PITPNM3: variants seen among roughly 807,000 people sequenced by gnomAD.
PITPNM3 encodes PITPNM family member 3, also known as membrane-associated phosphatidylinositol transfer protein 3.
PITPNM3 carries 26 observed loss-of-function variants against 102.0 expected under a neutral mutation model. The ratio of observed to expected loss-of-function variants is 0.25; its 90% CI spans 0.19 to 0.35. The LOEUF (loss-of-function observed/expected upper bound fraction) is 0.35, where lower values mean the gene tolerates loss of function less well. Ranked by LOEUF, PITPNM3 falls within the 10% of genes least tolerant of loss-of-function variation. The pLI, the probability that PITPNM3 is intolerant of heterozygous loss-of-function variation, is 1.00. For synonymous variants in PITPNM3, 578 were observed against 558.6 expected (o/e 1.03, Z -0.49); for missense variants, 1,083 against 1,346.1 (o/e 0.80, Z 3.06).
intron 2 of PITPNM3, among the ~76,000 whole-genome samples, chr17:6,526,573 A>G (rs1325858701): frequency 1.3e-5 from 2 of 152,156 alleles, no homozygotes; most frequent in Non-Finnish European, 2.9e-5. Context: ...GTTCTGATTC[A>G]CTCAAGAGCT....
Position 6,538,038 on chromosome 17 carries a change from C to T in PITPNM3, c.67G>A (p.Val23Ile). 1.2e-6 allele frequency: 2 copies of T among 1,613,452 alleles called. No homozygotes were observed. The highest frequency in any genetic ancestry group is 2.2e-5 in the South Asian group (2 of 91,060). The change falls in exon 2 of 20, where the codon GTC becomes ATC. Residue 23 changes from valine (V) to isoleucine (I), a missense_variant. Val to Ile is a conservative substitution (Grantham distance 29). Around this residue, in one of 5 missense-constraint regions of PITPNM3, gnomAD observed 290 missense variants for 337.8 expected, o/e 0.86. Transcript: ENST00000262483. ...GGGAPWHLRN[V>I]LSDSVESSDD... ...GAGCTCTCCACAGAGTCACTGAGGA[C>T]ATTTCGAAGGTGCCAGGGGGCACCG...
rs1597381335 is a variant in PITPNM3 at position 6,491,706 on chromosome 17, G to T, written c.275-7414C>A. On this transcript the variant is annotated intron_variant, in intron 4 of 19. Transcript: ENST00000262483. The stretch of plus-strand genomic sequence containing the variant: ...CCTAGCATTGCAGAAAAGGAAAAAT[G>T]ACAATCTAAATAATGGTGGGGGAGG... 2.0e-5 allele frequency among the ~76,000 whole-genome samples: 3 copies of T among 151,940 alleles called. No homozygotes were observed. The South Asian group carries it at 6.2e-4, about 32-fold the overall frequency.
rs1003800256 is a variant in PITPNM3 at position 6,494,622 on chromosome 17, CT to C, written c.274+8904del. ...GCTCATTGAAATTACCCTAAGACAA[CT>C]TTTTTTTTTCCACCTGTCAGACTGG... On this transcript the variant is annotated intron_variant, in intron 4 of 19. Transcript: ENST00000262483. Among the ~76,000 whole-genome samples the C allele has an allele frequency of 8.6e-5, 13 of 150,950 alleles. No individual in the cohort carries two copies. In the East Asian group the frequency reaches 1.4e-3, roughly 16 times the overall value.
rs1157150590 is a variant in PITPNM3, at chr17:6,458,773, C to T, written c.2491-1051G>A. On this transcript the variant is annotated intron_variant, in intron 18 of 19. Transcript: ENST00000262483. The surrounding 1 kb of genome is among the most constrained non-coding windows in gnomAD (Gnocchi z 5.1). ...TTGCCTCCACCCCGGATTCTCTCACCCCTTCATCCTCCTCCCACACCTGCC... is the reference window on the plus strand; with the variant it reads ...TTGCCTCCACCCCGGATTCTCTCACTCCTTCATCCTCCTCCCACACCTGCC... 6.6e-6 allele frequency among the ~76,000 whole-genome samples: 1 copy of T among 152,018 alleles called. No homozygotes were observed. The highest frequency in any genetic ancestry group is 2.4e-5 in the African/African-American group (1 of 41,380).
At chr17:6,471,060 C>T in intron 12 of PITPNM3, 101 bp downstream of exon 12, 1 of 1,400,046 alleles carries the variant, frequency 7.1e-7, no homozygotes, top group South Asian at 1.2e-5. Flanking sequence ...CTCCCTATCC[C>T]AGGGCCTGCC....
At chr17:6,480,046 A>C (rs938890400) in intron 6 of PITPNM3, 1 of 152,232 alleles carries the variant, frequency 6.6e-6, no homozygotes, top group African/African-American at 2.4e-5. Context: ...CTGGACTATC[A>C]GAGTGACAAG....
At chr17:6,552,313 C>CACCCCCT (rs1317366694) in intron 1 of PITPNM3, among the ~76,000 whole-genome samples, 8 of 152,152 alleles carry the variant, frequency 5.3e-5, no homozygotes, top group African/African-American at 1.9e-4. Context: ...ACCTGGCCCC[C>CACCCCCT]ACCCCCTACC....
chr17:6,456,861 G>A (rs1914139406), intron 19 of PITPNM3, among the ~76,000 whole-genome samples: 1 of 152,082 alleles, frequency 6.6e-6, no homozygotes, highest in South Asian at 2.1e-4. Flanking sequence ...CATCTGATCT[G>A]GGCATTACCA....
intron 3 of PITPNM3, among the ~76,000 whole-genome samples, chr17:6,505,193 A>ATATATATATATATATAT (rs1198801942): frequency 1.9e-4 from 14 of 72,320 alleles, no homozygotes; most frequent in African/African-American, 5.4e-4. Flanking sequence ...GAAGACAAAT[A>ATATATATATATATATAT]AAATATATAT....
At chr17:6,466,786 C>CA (rs1480867484) in intron 14 of PITPNM3, among the ~76,000 whole-genome samples, 1 of 152,018 alleles carries the variant, frequency 6.6e-6, no homozygotes, top group Non-Finnish European at 1.5e-5. Flanking sequence ...ATGAAAAACA[C>CA]AAAAACTTAT....
intron 18 of PITPNM3, among the ~76,000 whole-genome samples, 191 bp downstream of exon 18, chr17:6,461,182 T>C (rs1157272400): frequency 6.6e-6 from 1 of 152,208 alleles, no homozygotes; most frequent in African/African-American, 2.4e-5. Flanking sequence ...AGCCTCACCT[T>C]TCTCCTCTGT....
At position 6,471,798 on chromosome 17, in the gene PITPNM3, C is replaced by A. The variant is rs548129062; in HGVS notation, c.1430-443G>T. On this transcript the variant is annotated intron_variant, in intron 11 of 19. Transcript: ENST00000262483. ...GGGAATGGGGACTCCAGCCTGAGAGCTAGGATAGCCTCAGGGGAGGGAGGG... is the reference window on the plus strand; with the variant it reads ...GGGAATGGGGACTCCAGCCTGAGAGATAGGATAGCCTCAGGGGAGGGAGGG... Among the ~76,000 whole-genome samples the A allele has an allele frequency of 5.3e-5, 8 of 152,220 alleles. No homozygotes were observed. In the South Asian group the frequency reaches 1.7e-3, roughly 32 times the overall value.
chr17:6,551,499 C>T (rs1460808008), intron 1 of PITPNM3, among the ~76,000 whole-genome samples: 2 of 152,142 alleles, frequency 1.3e-5, no homozygotes, highest in East Asian at 1.9e-4. Context: ...CCAAGATACA[C>T]AGTAGAGTAA....
At position 6,478,456 on chromosome 17, in the gene PITPNM3, TG is replaced by T; in HGVS notation, c.777+90del. 2 of 1,499,968 alleles carry T rather than the reference TG, an allele frequency of 1.3e-6. No homozygotes were observed. The highest frequency in any genetic ancestry group is 1.2e-5 in the South Asian group (1 of 85,980). 92.9% of individuals were successfully genotyped at this position (1,499,968 alleles called of 1,614,324 possible). ...CTCAGAGGCTGATTCGAGAACAGCC[TG>T]GCCTTGGCCCTTTCAGTAGATTCCA... On this transcript the variant is annotated intron_variant, in intron 7 of 19. Transcript: ENST00000262483. The surrounding 1 kb of genome is among the most constrained non-coding windows in gnomAD (Gnocchi z 4.4).
rs1904465350 is a variant in PITPNM3, at chr17:6,461,632, C to G, written c.2307-76G>C. 3.3e-6 allele frequency: 5 copies of G among 1,526,772 alleles called. No homozygotes were observed. In the East Asian group the frequency reaches 1.1e-4, roughly 34 times the overall value. The allele number at this position is 1,526,772 out of a possible 1,614,324, so 94.6% of individuals were successfully genotyped here. ...GATGCCCAGAAGCCTGCCCTGCCCGCAGCTGCCCTCCTGAGACGTCAGAGG... is the reference window on the plus strand; with the variant it reads ...GATGCCCAGAAGCCTGCCCTGCCCGGAGCTGCCCTCCTGAGACGTCAGAGG... On this transcript the variant is annotated intron_variant, in intron 17 of 19. Transcript: ENST00000262483.
In PITPNM3 at chr17:6,457,529, A is replaced by C; in HGVS notation, c.2619+65T>G. On this transcript the variant is annotated intron_variant, in intron 19 of 19. Transcript: ENST00000262483. The surrounding 1 kb of genome is among the most constrained non-coding windows in gnomAD (Gnocchi z 4.7). ...GAATGAATGAATGAATGAAGTGCTTACTCCCTCTATCCCTTTCCCTGACCT... is the reference window on the plus strand; with the variant it reads ...GAATGAATGAATGAATGAAGTGCTTCCTCCCTCTATCCCTTTCCCTGACCT... The C allele has an allele frequency of 2.8e-5, 43 of 1,543,924 alleles. No homozygotes were observed. The highest frequency in any genetic ancestry group is 3.4e-5 in the South Asian group (3 of 88,308).
chr17:6,495,105 T>C (rs1166039890), intron 4 of PITPNM3, among the ~76,000 whole-genome samples: 1 of 152,176 alleles, frequency 6.6e-6, no homozygotes, highest in Non-Finnish European at 1.5e-5. Flanking sequence ...TAGACTCTTG[T>C]ATGCAGAGAT....
Position 6,474,709 on chromosome 17 carries a change from A to G in PITPNM3, c.1086-105T>C, listed in dbSNP as rs1210070185. ...CTGAATTCTGAGCGTGAAGTGCCCA[A>G]CCCTCCATCTCTGGGGCGGGGCTGA... On this transcript the variant is annotated intron_variant, in intron 9 of 19. Transcript: ENST00000262483. 3.0e-6 allele frequency: 4 copies of G among 1,351,558 alleles called. No homozygotes were observed. In the African/African-American group the frequency reaches 4.3e-5, roughly 15 times the overall value. 83.7% of individuals were successfully genotyped at this position (1,351,558 alleles called of 1,614,324 possible). A position where few individuals can be genotyped will look rare whatever the true frequency, so the allele number is the denominator to read the frequency against.
intron 2 of PITPNM3, among the ~76,000 whole-genome samples, chr17:6,536,325 G>C (rs531736752): frequency 1.3e-5 from 2 of 152,336 alleles, no homozygotes; most frequent in East Asian, 3.9e-4. Flanking sequence ...AGATGCCTCT[G>C]TCGTCAGCTG....
Sources: allele counts gnomAD v4.1 joint callset (sites outside exome capture counted in the v4.1 genomes callset), GRCh38; gene constraint gnomAD v4.1.1; regional missense constraint gnomAD v4.1.1; non-coding constraint Gnocchi (gnomAD v3.1); transcripts MANE v1.5; gene names NCBI Gene and HGNC (gene_info 2026-07-23, HGNC 2026-07-21).